TMEM184B: variants seen among roughly 807,000 people sequenced by gnomAD.
The protein encoded by TMEM184B is transmembrane protein 184B, also known as putative MAPK-activating protein FM08.
Under a neutral mutation model 41.8 loss-of-function variants are expected in TMEM184B, and 17 were observed. The observed-to-expected ratio is 0.41, with a 90% CI of 0.28 to 0.61. The LOEUF is 0.61. Ranked by LOEUF, TMEM184B falls within the 20% of genes least tolerant of loss-of-function variation. The pLI is 0.34. For missense variants in TMEM184B, 393 were observed against 557.8 expected, an observed-to-expected ratio of 0.70 and a Z score of 2.98; for synonymous variants, 240 against 229.5, an observed-to-expected ratio of 1.05 and a Z score of -0.41.
At chr22:38,267,099 A>C (rs960689469) in intron 1 of TMEM184B, among the ~76,000 whole-genome samples, 8 of 149,798 alleles carry the variant, frequency 5.3e-5, no homozygotes, top group Admixed American at 2.7e-4. Flanking sequence ...AAAAAAAAAA[A>C]CAAGTACTAC....
At chr22:38,219,142 G>C, downstream of TMEM184B, 2 of 571,494 alleles carry the variant, frequency 3.5e-6, no homozygotes, top group Non-Finnish European at 4.4e-6. Flanking sequence ...CCTTGACCTT[G>C]GTCCCTATCA....
intron 3 of TMEM184B, 95 bp downstream of exon 3, chr22:38,245,840 A>T: frequency 7.7e-7 from 1 of 1,297,632 alleles, no homozygotes; most frequent in South Asian, 1.4e-5. Flanking sequence ...GTGTCAAGAC[A>T]GTCCTCATGA....
At chr22:38,259,682 A>G (rs551880025) in intron 1 of TMEM184B, among the ~76,000 whole-genome samples, 3 of 152,368 alleles carry the variant, frequency 2.0e-5, no homozygotes, top group Admixed American at 1.3e-4. Context: ...TAGTCCAGTG[A>G]AACACATTCT....
At chr22:38,230,622 A>G in intron 5 of TMEM184B, 47 bp downstream of exon 5, 1 of 1,573,592 alleles carries the variant, frequency 6.4e-7, no homozygotes, top group Non-Finnish European at 8.6e-7. Flanking sequence ...GGCCTCCCAG[A>G]CCCCGCCCTG....
chr22:38,262,000 A>C (rs1480473651), intron 1 of TMEM184B, among the ~76,000 whole-genome samples: 1 of 152,280 alleles, frequency 6.6e-6, no homozygotes, highest in African/African-American at 2.4e-5. Flanking sequence ...GAATTCACCG[A>C]AGAGGCTGGA....
intron 1 of TMEM184B, among the ~76,000 whole-genome samples, chr22:38,256,051 C>G (rs1378408889): frequency 6.6e-6 from 1 of 152,146 alleles, no homozygotes; most frequent in Non-Finnish European, 1.5e-5. Context: ...GTCTGTACTT[C>G]AGTTAATAGT....
chr22:38,226,632 G>C lies in TMEM184B; in HGVS notation c.617+147C>G. The C allele has an allele frequency of 1.3e-6, 1 of 761,250 alleles. No individual in the cohort carries two copies. Among genetic ancestry groups the C allele is most frequent in the East Asian group, 2.8e-5 (1 of 35,238 alleles). 47.2% of individuals were successfully genotyped at this position (761,250 alleles called of 1,614,324 possible). On this transcript the variant is annotated intron_variant, in intron 6 of 8. Coordinates refer to ENST00000361906, the MANE Select transcript of TMEM184B (RefSeq NM_012264.5). This position sits in a 1 kb window ranked among gnomAD's most constrained non-coding sequence, Gnocchi z 4.6. ...GCCAACTGCAAGGGTGTCCACTGCT[G>C]GGCTCAGACTTCAGGGGGGTTGTGA...
At chr22:38,216,450 C>A (rs920022041), downstream of TMEM184B, 12 of 167,058 alleles carry the variant, frequency 7.2e-5, no homozygotes, top group African/African-American at 2.9e-4. Context: ...GAGTTATCGT[C>A]TTCTGTATTT....
At chr22:38,218,776 C>G (rs967712308), downstream of TMEM184B, among the ~76,000 whole-genome samples, 1 of 152,166 alleles carries the variant, frequency 6.6e-6, no homozygotes, top group Non-Finnish European at 1.5e-5. Context: ...GGTGGGAATT[C>G]CCCCACCCAC....
At chr22:38,217,176 A>C (rs538113494), downstream of TMEM184B, among the ~76,000 whole-genome samples, 355 of 140,580 alleles carry the variant, frequency 2.5e-3, 5 homozygotes, top group African/African-American at 9.0e-3. Flanking sequence ...AAAATACAAA[A>C]AACAACAACA....
At chr22:38,259,735 T>C (rs138317651) in intron 1 of TMEM184B, among the ~76,000 whole-genome samples, 61 of 152,344 alleles carry the variant, frequency 4.0e-4, no homozygotes, top group Middle Eastern at 3.4e-3. Flanking sequence ...TGTGTGCGCA[T>C]GCATTTTATT....
intron 3 of TMEM184B, among the ~76,000 whole-genome samples, chr22:38,242,619 G>A (rs897092983): frequency 6.6e-6 from 1 of 152,258 alleles, no homozygotes; most frequent in Non-Finnish European, 1.5e-5. Flanking sequence ...CTTGGGCACT[G>A]AGAAGGAAGG....
chr22:38,241,549 G>A (rs1022145942), intron 3 of TMEM184B, among the ~76,000 whole-genome samples: 2 of 151,258 alleles, frequency 1.3e-5, no homozygotes, highest in South Asian at 2.1e-4. Context: ...AAAAATTAGC[G>A]GGGCATGGTG....
chr22:38,263,593 T>C (rs1303945082), intron 1 of TMEM184B, among the ~76,000 whole-genome samples: 4 of 152,188 alleles, frequency 2.6e-5, no homozygotes, highest in African/African-American at 9.6e-5. Flanking sequence ...TCTTTTGCTA[T>C]TAAAAATAAG....
chr22:38,223,133 T>TATGGGC (rs2091310069), intron 8 of TMEM184B: 1 of 152,372 alleles, frequency 6.6e-6, no homozygotes, highest in African/African-American at 2.4e-5. Context: ...GGGCTGAGGG[T>TATGGGC]CTGGGCCTGG....
chr22:38,244,452 G>A (rs2091980264), intron 3 of TMEM184B, among the ~76,000 whole-genome samples: 1 of 151,750 alleles, frequency 6.6e-6, no homozygotes, highest in Non-Finnish European at 1.5e-5. Context: ...GGGTATCAAT[G>A]TAGGGGTCTT....
intron 2 of TMEM184B, chr22:38,246,748 T>A (rs1201635653): frequency 8.5e-7 from 1 of 1,178,588 alleles, no homozygotes; most frequent in East Asian, 6.7e-5. Flanking sequence ...TGAATGCTAC[T>A]TTTAGGAAGC....
In TMEM184B at chr22:38,222,597, G is replaced by C. The variant is rs530102334; in HGVS notation, c.983-887C>G. 6.3e-5 allele frequency: 62 copies of C among 985,404 alleles called. No homozygotes were observed. The African/African-American group carries it at 9.9e-4, about 16-fold the overall frequency. The allele number at this position is 985,404 out of a possible 1,614,324, so 61.0% of individuals were successfully genotyped here. ...AGACGCATGCCAGTGACAGTGACCA[G>C]AACTGACATGCAGGACAGACATGCA... On this transcript the variant is annotated intron_variant, in intron 8 of 8. Transcript: ENST00000361906.
At chr22:38,260,845 C>A (rs1422878341) in intron 1 of TMEM184B, among the ~76,000 whole-genome samples, 6 of 152,306 alleles carry the variant, frequency 3.9e-5, no homozygotes, top group African/African-American at 1.4e-4. Flanking sequence ...TATTTTCATT[C>A]ATTAGTTTCA....
Sources: allele counts gnomAD v4.1 joint callset (sites outside exome capture counted in the v4.1 genomes callset), GRCh38; gene constraint gnomAD v4.1.1; non-coding constraint Gnocchi (gnomAD v3.1); transcripts MANE v1.5; gene names NCBI Gene and HGNC (gene_info 2026-07-23, HGNC 2026-07-21).